The following CCDC7 variants were observed in gnomAD, a reference collection of about 807,000 sequenced individuals.
CCDC7 encodes the protein coiled-coil domain-containing protein 7.
In CCDC7, 183 loss-of-function variants were observed where a neutral mutation model predicts 196.9. That is an observed-to-expected ratio of 0.93 (90% CI 0.82 to 1.05). CCDC7 has a LOEUF of 1.05. Among genes scored for constraint, CCDC7 ranks in the 50% least tolerant of loss-of-function variants. The probability of loss-of-function intolerance (pLI) is 0.00; values close to 1 mark genes in which losing one functional copy is unlikely to be tolerated. For synonymous variants in CCDC7, 525 were observed against 484.6 expected (o/e 1.08, Z -1.10); for missense variants, 1,540 against 1,482.2 (o/e 1.04, Z -0.64).
chr10:32,867,099 T>TA (rs1161128890), intron 41 of CCDC7, among the ~76,000 whole-genome samples: 2 of 151,454 alleles, frequency 1.3e-5, no homozygotes, highest in African/African-American at 2.4e-5. Flanking sequence ...TAAGAGAGAC[T>TA]AAAAAAACCC....
chr10:32,469,165 G>T (rs1034634985), intron 5 of CCDC7, among the ~76,000 whole-genome samples: 12 of 152,196 alleles, frequency 7.9e-5, no homozygotes, highest in African/African-American at 2.9e-4. Flanking sequence ...GATGTATCGA[G>T]AGTCTAATCA....
At chr10:32,807,461 C>T (rs2086074416) in intron 30 of CCDC7, among the ~76,000 whole-genome samples, 1 of 151,874 alleles carries the variant, frequency 6.6e-6, no homozygotes, top group Non-Finnish European at 1.5e-5. Context: ...CTTCTCAACA[C>T]ATACAAAAAA....
At chr10:32,730,192 C>G (rs1018944936) in intron 28 of CCDC7, among the ~76,000 whole-genome samples, 2 of 152,092 alleles carry the variant, frequency 1.3e-5, no homozygotes, top group Non-Finnish European at 2.9e-5. Flanking sequence ...GGTTGTCCCC[C>G]ACATGTCCAT....
Position 32,824,976 on chromosome 10 carries a change from T to C in CCDC7, c.3268+372T>C, listed in dbSNP as rs1000914211. Reference sequence around the variant, plus strand: ...ATGAATATAACTGATAATGATTTCATCGGTTACCCATTCCCTCTCATATCG... The same window carrying C: ...ATGAATATAACTGATAATGATTTCACCGGTTACCCATTCCCTCTCATATCG... On this transcript the variant is annotated intron_variant, in intron 32 of 41. Transcript: ENST00000639629. Among the ~76,000 whole-genome samples, 4 of 152,360 alleles carry C rather than the reference T, an allele frequency of 2.6e-5. 1 individual carries two copies. In the South Asian group the frequency reaches 8.3e-4, roughly 32 times the overall value.
intron 37 of CCDC7, among the ~76,000 whole-genome samples, chr10:32,846,660 T>C (rs2093310902): frequency 6.6e-6 from 1 of 152,168 alleles, no homozygotes; most frequent in South Asian, 2.1e-4. Flanking sequence ...ACTCATCCAT[T>C]TGAAAAGTAA....
At chr10:32,571,133 C>T (rs2947084) in intron 15 of CCDC7, among the ~76,000 whole-genome samples, 20,902 of 151,348 alleles carry the variant, frequency 0.14, 1,747 homozygotes, top group East Asian at 0.25. Flanking sequence ...CTCAGCCTCC[C>T]GAGTAGCTGG....
chr10:32,501,979 G>T (rs1264736777), intron 9 of CCDC7, among the ~76,000 whole-genome samples: 1 of 152,186 alleles, frequency 6.6e-6, no homozygotes, highest in Non-Finnish European at 1.5e-5. Context: ...CCAGGGAGCT[G>T]CGGTGGGCTC....
intron 28 of CCDC7, 144 bp from the exon 30 acceptor site, chr10:32,778,833 T>G: frequency 1.6e-6 from 1 of 627,380 alleles, no homozygotes; most frequent in Non-Finnish European, 2.8e-6. Flanking sequence ...TTCATTTATT[T>G]GTGCCATTTC....
At chr10:32,670,002 C>G (rs1255491714) in intron 21 of CCDC7, among the ~76,000 whole-genome samples, 1 of 152,050 alleles carries the variant, frequency 6.6e-6, no homozygotes, top group Non-Finnish European at 1.5e-5. Context: ...ATTGGATGAT[C>G]AAATGTCTAT....
chr10:32,818,367 A>T (rs910866721), intron 31 of CCDC7, among the ~76,000 whole-genome samples: 1 of 152,214 alleles, frequency 6.6e-6, no homozygotes, highest in African/African-American at 2.4e-5. Context: ...AAAGAGACTT[A>T]GACTCCCACA....
chr10:32,696,677 A>T (rs1357590309), intron 24 of CCDC7, among the ~76,000 whole-genome samples: 3 of 152,302 alleles, frequency 2.0e-5, no homozygotes, highest in Admixed American at 6.5e-5. Context: ...TGAAGAGCCC[A>T]TTAATCTCCT....
chr10:32,470,584 A>T (rs2037750776), intron 5 of CCDC7, among the ~76,000 whole-genome samples: 1 of 152,178 alleles, frequency 6.6e-6, no homozygotes, highest in South Asian at 2.1e-4. Context: ...AATATGTCAC[A>T]GTCTTCCCCA....
chr10:32,586,828 T>C (rs2059329656), intron 18 of CCDC7, among the ~76,000 whole-genome samples: 2 of 152,158 alleles, frequency 1.3e-5, no homozygotes, highest in South Asian at 4.1e-4. Context: ...AGCTTTGTTG[T>C]TTTTGCTTAG....
chr10:32,565,829 A>C (rs892254495), intron 14 of CCDC7, among the ~76,000 whole-genome samples: 1 of 152,222 alleles, frequency 6.6e-6, no homozygotes, highest in Non-Finnish European at 1.5e-5. Flanking sequence ...GATATAAAGA[A>C]AAGTAAACTT....
At chr10:32,588,173 C>T (rs949155808) in intron 18 of CCDC7, among the ~76,000 whole-genome samples, 1 of 152,196 alleles carries the variant, frequency 6.6e-6, no homozygotes, top group Admixed American at 6.5e-5. Flanking sequence ...ACTTTGAAAT[C>T]CCCAGCTTTC....
At chr10:32,586,177 G>A (rs555536888) in intron 18 of CCDC7, among the ~76,000 whole-genome samples, 47 of 152,314 alleles carry the variant, frequency 3.1e-4, no homozygotes, top group African/African-American at 1.1e-3. Context: ...GTCTTCTTTT[G>A]AAAAGTGTCT....
intron 29 of CCDC7, among the ~76,000 whole-genome samples, chr10:32,788,365 T>C (rs1173332081): frequency 1.3e-5 from 2 of 152,168 alleles, no homozygotes; most frequent in East Asian, 3.9e-4. Context: ...CTAAGCTTTA[T>C]TCCTGAGTTC....
At chr10:32,607,444 A>G (rs1002632392) in intron 18 of CCDC7, among the ~76,000 whole-genome samples, 1 of 152,196 alleles carries the variant, frequency 6.6e-6, no homozygotes, top group Non-Finnish European at 1.5e-5. Context: ...TTCCCCATTC[A>G]GTATAATGTT....
chr10:32,756,130 A>T (rs1302471852), intron 28 of CCDC7, among the ~76,000 whole-genome samples: 1 of 152,236 alleles, frequency 6.6e-6, no homozygotes, highest in Non-Finnish European at 1.5e-5. Flanking sequence ...TCTACATCAG[A>T]TTGTTGTACC....
Sources: allele counts gnomAD v4.1 joint callset (sites outside exome capture counted in the v4.1 genomes callset), GRCh38; gene constraint gnomAD v4.1.1; transcripts MANE v1.5; gene names NCBI Gene and HGNC (gene_info 2026-07-23, HGNC 2026-07-21).